SNRPN: variants seen among roughly 807,000 people sequenced by gnomAD.
SNRPN encodes the protein small nuclear ribonucleoprotein polypeptide N, also known as small nuclear ribonucleoprotein-associated protein N.
Under a neutral mutation model 25.2 loss-of-function variants are expected in SNRPN, and 7 were observed. That is an observed-to-expected ratio of 0.28 (90% CI 0.16 to 0.52). SNRPN has a LOEUF of 0.52. SNRPN is among the 20% of genes least tolerant of loss of function. The probability of loss-of-function intolerance (pLI) is 0.96; values close to 1 mark genes in which losing one functional copy is unlikely to be tolerated. For synonymous variants in SNRPN, 124 were observed against 110.6 expected, an observed-to-expected ratio of 1.12 and a Z score of -0.76; for missense variants, 196 against 322.5, an observed-to-expected ratio of 0.61 and a Z score of 3.00.
At chr15:24,890,890 A>G (rs1357212300) in intron 2 of SNRPN, among the ~76,000 whole-genome samples, 1 of 152,162 alleles carries the variant, frequency 6.6e-6, no homozygotes, top group Admixed American at 6.6e-5. Context: ...AGAAATAGAT[A>G]AAATGCCATT....
At chr15:24,963,852 TAGAG>T (rs1030845337) in intron 2 of SNRPN, among the ~76,000 whole-genome samples, 24 of 151,934 alleles carry the variant, frequency 1.6e-4, no homozygotes, top group African/African-American at 5.6e-4. Context: ...CTGGGCAACA[TAGAG>T]AGACCTCCTC....
At chr15:24,849,760 A>T (rs1422867506) in intron 2 of SNRPN, 1 of 152,204 alleles carries the variant, frequency 6.6e-6, no homozygotes, top group Non-Finnish European at 1.5e-5. Flanking sequence ...GATGAGGGCC[A>T]TCCACTGAAA....
intron 2 of SNRPN, among the ~76,000 whole-genome samples, chr15:24,964,933 T>C (rs988598260): frequency 6.6e-6 from 1 of 152,172 alleles, no homozygotes; most frequent in African/African-American, 2.4e-5. Flanking sequence ...GCACTGCATA[T>C]ATATGTACAA....
chr15:24,873,959 G>C (rs2149026867), intron 1 of SNRPN, among the ~76,000 whole-genome samples: 1 of 149,252 alleles, frequency 6.7e-6, no homozygotes, highest in African/African-American at 2.5e-5. Context: ...ACCTCCCACA[G>C]CATACTTCAT....
intron 1 of SNRPN, among the ~76,000 whole-genome samples, chr15:24,868,992 A>T (rs1161850863): frequency 6.6e-6 from 1 of 152,104 alleles, no homozygotes; most frequent in Non-Finnish European, 1.5e-5. Flanking sequence ...ACAAAAATTT[A>T]AAATTAGCCA....
chr15:24,941,651 G>T (rs956327817), intron 3 of SNRPN, among the ~76,000 whole-genome samples: 1 of 152,204 alleles, frequency 6.6e-6, no homozygotes, highest in South Asian at 2.1e-4. Flanking sequence ...TTGTGAAGCA[G>T]AAGTCCAGTT....
intron 2 of SNRPN, among the ~76,000 whole-genome samples, chr15:24,830,739 A>G (rs72693629): frequency 0.14 from 21,439 of 152,008 alleles, 1,751 homozygotes; most frequent in East Asian, 0.28. Context: ...GCAATTCACC[A>G]GTTTTTAAAA....
chr15:24,871,778 C>T (rs2055143901), intron 1 of SNRPN, among the ~76,000 whole-genome samples: 1 of 147,678 alleles, frequency 6.8e-6, no homozygotes, highest in African/African-American at 2.5e-5. Context: ...AATCTTGGCT[C>T]ACTGCAAGCT....
chr15:24,934,652 G>A (rs575433651), intron 3 of SNRPN, among the ~76,000 whole-genome samples: 57 of 152,240 alleles, frequency 3.7e-4, no homozygotes, highest in African/African-American at 1.2e-3. Flanking sequence ...TCCACCCGCC[G>A]GGCTCAAGCA....
chr15:24,916,876 G>A (rs761486742), intron 2 of SNRPN, among the ~76,000 whole-genome samples: 12 of 152,182 alleles, frequency 7.9e-5, no homozygotes, highest in Admixed American at 6.5e-5. Flanking sequence ...GGAGTGAGCC[G>A]CAGCAAGATT....
intron 3 of SNRPN, among the ~76,000 whole-genome samples, chr15:24,924,255 C>G (rs866512100): frequency 6.6e-6 from 1 of 151,970 alleles, no homozygotes. Context: ...TATGTACCCT[C>G]TTCTTAGGAC....
At chr15:24,860,411 A>T (rs962225719) in intron 1 of SNRPN, among the ~76,000 whole-genome samples, 3 of 152,186 alleles carry the variant, frequency 2.0e-5, no homozygotes, top group Non-Finnish European at 4.4e-5. Context: ...AAACAAATGG[A>T]GGAGATAAGA....
At chr15:24,946,584 C>A (rs1403940774) in intron 3 of SNRPN, among the ~76,000 whole-genome samples, 1 of 152,042 alleles carries the variant, frequency 6.6e-6, no homozygotes, top group Non-Finnish European at 1.5e-5. Context: ...ATTTTCCTGT[C>A]CCAACTTCCT....
At chr15:24,943,266 C>T (rs943222190) in intron 3 of SNRPN, among the ~76,000 whole-genome samples, 2 of 152,078 alleles carry the variant, frequency 1.3e-5, no homozygotes, top group Non-Finnish European at 2.9e-5. Context: ...GATTTGTCTT[C>T]ACCACTCTTC....
chr15:24,835,714 C>CT (rs1298438330), intron 2 of SNRPN, among the ~76,000 whole-genome samples: 5 of 152,088 alleles, frequency 3.3e-5, no homozygotes, highest in African/African-American at 1.2e-4. Context: ...AAATGTACAA[C>CT]TTTTTAAACG....
chr15:24,941,064 C>T (rs1402960511), intron 3 of SNRPN, among the ~76,000 whole-genome samples: 1 of 152,192 alleles, frequency 6.6e-6, no homozygotes, highest in Non-Finnish European at 1.5e-5. Flanking sequence ...GCAACCTTCG[C>T]CTCCCAGGTT....
At chr15:24,975,311 C>G (rs1298416259) in intron 4 of SNRPN, 47 bp from the exon 5 acceptor site, 1 of 1,532,810 alleles carries the variant, frequency 6.5e-7, no homozygotes, top group African/African-American at 1.4e-5. Flanking sequence ...GATTAGAAGA[C>G]TAGGGTGTTG....
chr15:24,841,140 G>A (rs367721887), intron 2 of SNRPN, among the ~76,000 whole-genome samples: 1 of 152,144 alleles, frequency 6.6e-6, no homozygotes, highest in East Asian at 1.9e-4. Context: ...CGGCCAGCCG[G>A]TTGTCACATT....
At chr15:24,976,014 G>T (rs1417142468) in intron 5 of SNRPN, among the ~76,000 whole-genome samples, 1 of 152,080 alleles carries the variant, frequency 6.6e-6, no homozygotes, top group Non-Finnish European at 1.5e-5. Context: ...TGGAAACCCA[G>T]GTTTCAATTT....
Sources: allele counts gnomAD v4.1 joint callset (sites outside exome capture counted in the v4.1 genomes callset), GRCh38; gene constraint gnomAD v4.1.1; transcripts MANE v1.5; gene names NCBI Gene and HGNC (gene_info 2026-07-23, HGNC 2026-07-21).